Variants in ATPAF1 observed in about 807,000 individuals in gnomAD.
ATPAF1 encodes ATP synthase mitochondrial F1 complex assembly factor 1.
In ATPAF1, 26 loss-of-function variants were observed where a neutral mutation model predicts 43.9. The ratio of observed to expected loss-of-function variants is 0.59; its 90% CI spans 0.43 to 0.82. The LOEUF is 0.82. ATPAF1 is among the 40% of genes least tolerant of loss of function. The pLI is 0.00. For synonymous variants in ATPAF1, 157 were observed against 168.0 expected, an observed-to-expected ratio of 0.93 and a Z score of 0.50; for missense variants, 366 against 435.0, an observed-to-expected ratio of 0.84 and a Z score of 1.41.
At chr1:46,652,227 T>C (rs1368708916) in intron 6 of ATPAF1, among the ~76,000 whole-genome samples, 1 of 146,072 alleles carries the variant, frequency 6.8e-6, no homozygotes, top group Admixed American at 6.8e-5. Flanking sequence ...AAAAAAGAAG[T>C]TGAAAAGATT....
intron 4 of ATPAF1, among the ~76,000 whole-genome samples, chr1:46,655,715 CCT>C (rs1180706507): frequency 1.3e-5 from 2 of 152,056 alleles, no homozygotes; most frequent in African/African-American, 2.4e-5. Context: ...GACTAGAAAG[CCT>C]CTCTCTCCTA....
chr1:46,645,223 C>T, exon 7 of ATPAF1: 3 of 1,613,862 alleles, frequency 1.9e-6, no homozygotes, highest in Non-Finnish European at 2.5e-6. Flanking sequence ...ACAAAAAACT[C>T]ATAACCTTCC....
exon 8 of ATPAF1, chr1:46,643,244 C>T (rs1318886393): frequency 6.2e-7 from 1 of 1,613,940 alleles, no homozygotes; most frequent in South Asian, 1.1e-5. Context: ...CCCTTTTCTT[C>T]CTTAAGTTCA....
chr1:46,638,584 T>G (rs1453082072), intron 8 of ATPAF1, among the ~76,000 whole-genome samples: 1 of 149,474 alleles, frequency 6.7e-6, no homozygotes, highest in African/African-American at 2.5e-5. Flanking sequence ...ATCCAGCCAC[T>G]GCACTCCAGC....
At chr1:46,638,432 C>T (rs1475350514) in intron 8 of ATPAF1, among the ~76,000 whole-genome samples, 1 of 152,100 alleles carries the variant, frequency 6.6e-6, no homozygotes, top group Admixed American at 6.5e-5. Context: ...TCCTGGCTAA[C>T]ACGGTGAAAC....
chr1:46,667,576 C>T (rs1177224520), intron 1 of ATPAF1, among the ~76,000 whole-genome samples: 1 of 152,142 alleles, frequency 6.6e-6, no homozygotes, highest in Non-Finnish European at 1.5e-5. Context: ...ATGGGTGATC[C>T]GACTGTGACA....
At chr1:46,647,015 A>C (rs1431693387) in intron 6 of ATPAF1, among the ~76,000 whole-genome samples, 1 of 152,230 alleles carries the variant, frequency 6.6e-6, no homozygotes, top group African/African-American at 2.4e-5. Context: ...GTGTAGGAAC[A>C]AGAGTGACTT....
At chr1:46,660,428 G>T (rs1476680291) in intron 2 of ATPAF1, among the ~76,000 whole-genome samples, 1 of 152,096 alleles carries the variant, frequency 6.6e-6, no homozygotes, top group Non-Finnish European at 1.5e-5. Context: ...TCTATTATTT[G>T]TATCCATTTT....
chr1:46,646,372 T>C (rs1676045602), intron 6 of ATPAF1, among the ~76,000 whole-genome samples: 1 of 152,260 alleles, frequency 6.6e-6, no homozygotes, highest in South Asian at 2.1e-4. Context: ...TTCTAAACTT[T>C]CTAATGCTGC....
intron 4 of ATPAF1, among the ~76,000 whole-genome samples, chr1:46,657,142 C>T (rs373087369): frequency 2.0e-5 from 3 of 152,076 alleles, no homozygotes; most frequent in Admixed American, 1.3e-4. Flanking sequence ...ATAATGGCAC[C>T]CACTTCACGG....
chr1:46,660,194 T>G (rs1261569505), intron 2 of ATPAF1, among the ~76,000 whole-genome samples: 8 of 152,134 alleles, frequency 5.3e-5, no homozygotes, highest in Admixed American at 5.2e-4. Flanking sequence ...GCCAGGCTGG[T>G]CTTGACTTCT....
chr1:46,633,532 T>G, downstream of ATPAF1: 1 of 357,200 alleles, frequency 2.8e-6, no homozygotes, highest in Non-Finnish European at 5.3e-6. Flanking sequence ...CCTGTCCACT[T>G]TCTATAACAC....
intron 1 of ATPAF1, 184 bp from the exon 2 acceptor site, chr1:46,665,548 T>C: frequency 8.1e-7 from 1 of 1,227,160 alleles, no homozygotes; most frequent in East Asian, 2.5e-5. Context: ...AGAAATCCTG[T>C]TATTCAACTG....
chr1:46,658,554 C>A (rs1368349934), intron 3 of ATPAF1, 133 bp downstream of exon 3: 2 of 635,060 alleles, frequency 3.1e-6, no homozygotes, highest in South Asian at 2.3e-5. Flanking sequence ...AAATATTTCT[C>A]ACTTCTACAG....
At chr1:46,648,265 C>T (rs147362333) in intron 6 of ATPAF1, among the ~76,000 whole-genome samples, 227 of 152,308 alleles carry the variant, frequency 1.5e-3, no homozygotes, top group African/African-American at 5.3e-3. Context: ...GCACACACCA[C>T]CACGCCTAGC....
intron 4 of ATPAF1, among the ~76,000 whole-genome samples, chr1:46,654,648 G>A (rs1458432029): frequency 6.6e-6 from 1 of 151,636 alleles, no homozygotes; most frequent in African/African-American, 2.4e-5. Context: ...CCATCAACTT[G>A]TCATTTACTT....
chr1:46,644,161 GA>G (rs1448775758), intron 7 of ATPAF1, among the ~76,000 whole-genome samples: 1 of 152,036 alleles, frequency 6.6e-6, no homozygotes, highest in African/African-American at 2.4e-5. Context: ...TCCTAAAGCT[GA>G]ATATTAGCTC....
At chr1:46,654,598 G>A (rs1412396649) in intron 4 of ATPAF1, among the ~76,000 whole-genome samples, 1 of 150,366 alleles carries the variant, frequency 6.7e-6, no homozygotes, top group African/African-American at 2.4e-5. Flanking sequence ...ACAACATGCA[G>A]GTTACATAGG....
chr1:46,649,589 G>A (rs1410898994), intron 6 of ATPAF1, among the ~76,000 whole-genome samples: 1 of 152,144 alleles, frequency 6.6e-6, no homozygotes, highest in Non-Finnish European at 1.5e-5. Context: ...GATTAGTATT[G>A]TATTTCATCT....
Sources: allele counts gnomAD v4.1 joint callset (sites outside exome capture counted in the v4.1 genomes callset), GRCh38; gene constraint gnomAD v4.1.1; transcripts MANE v1.5; gene names NCBI Gene and HGNC (gene_info 2026-07-23, HGNC 2026-07-21).